The following KLF12 variants were observed in gnomAD, a reference collection of about 807,000 sequenced individuals.
KLF12 encodes Krueppel-like factor 12.
In KLF12, 9 loss-of-function variants were observed where a neutral mutation model predicts 37.8. The observed-to-expected ratio is 0.24, with a 90% CI of 0.14 to 0.42. The LOEUF is 0.42. KLF12 is among the 10% of genes least tolerant of loss of function. KLF12 has a pLI of 1.00. For missense variants in KLF12, 411 were observed against 516.0 expected (o/e 0.80, Z 1.97); for synonymous variants, 208 against 202.1 (o/e 1.03, Z -0.25).
chr13:73,764,555 A>T (rs951395563), intron 6 of KLF12, among the ~76,000 whole-genome samples: 1 of 152,146 alleles, frequency 6.6e-6, no homozygotes, highest in Non-Finnish European at 1.5e-5. Flanking sequence ...AATCCCCAAA[A>T]CTAATGTAAC....
At chr13:73,992,442 C>T (rs1288102518) in intron 2 of KLF12, among the ~76,000 whole-genome samples, 2 of 152,190 alleles carry the variant, frequency 1.3e-5, no homozygotes, top group South Asian at 2.1e-4. Context: ...AAACTTAATG[C>T]AAAAGTTGTG....
chr13:74,071,074 A>G (rs909797650), intron 1 of KLF12, among the ~76,000 whole-genome samples: 3 of 152,172 alleles, frequency 2.0e-5, no homozygotes, highest in African/African-American at 7.2e-5. Context: ...TAACCACCAC[A>G]CCCTAATAAG....
At chr13:74,117,284 T>C (rs1333433608) in intron 1 of KLF12, among the ~76,000 whole-genome samples, 1 of 152,148 alleles carries the variant, frequency 6.6e-6, no homozygotes, top group Non-Finnish European at 1.5e-5. Context: ...GCCTGGAGTA[T>C]CCTGTAATAC....
At chr13:73,708,006 T>C (rs552910676) in intron 7 of KLF12, among the ~76,000 whole-genome samples, 4 of 152,270 alleles carry the variant, frequency 2.6e-5, no homozygotes, top group Admixed American at 6.5e-5. Flanking sequence ...GGAATAAACA[T>C]GTAATAGTAT....
intron 2 of KLF12, among the ~76,000 whole-genome samples, chr13:73,991,143 C>A (rs904863991): frequency 7.9e-5 from 12 of 152,026 alleles, no homozygotes; most frequent in Non-Finnish European, 1.2e-4. Context: ...AAAGGAGTGA[C>A]CCAATTCAAG....
At chr13:74,024,050 C>T (rs1278455680) in intron 1 of KLF12, among the ~76,000 whole-genome samples, 2 of 152,178 alleles carry the variant, frequency 1.3e-5, no homozygotes, top group African/African-American at 4.8e-5. Context: ...TGGCTTATAA[C>T]TTTCAAATCC....
the KLF12 span, chr13:74,258,153 T>A: frequency 7.5e-6 from 1 of 132,852 alleles, no homozygotes; most frequent in Non-Finnish European, 1.6e-5. Flanking sequence ...CTTGGTCTAT[T>A]ACTGTGTTTG....
At chr13:74,207,447 G>A in the KLF12 span, among the ~76,000 whole-genome samples, 1 of 152,070 alleles carries the variant, frequency 6.6e-6, no homozygotes, top group African/African-American at 2.4e-5. Context: ...AGGCCAAGGC[G>A]GGTGGATCAC....
intron 2 of KLF12, among the ~76,000 whole-genome samples, chr13:73,975,827 G>A (rs1452124063): frequency 6.6e-6 from 1 of 151,982 alleles, no homozygotes; most frequent in Non-Finnish European, 1.5e-5. Context: ...TCATCTGTAG[G>A]TCTGTCTCTT....
chr13:74,234,491 CTG>C, the KLF12 span, among the ~76,000 whole-genome samples: 42 of 152,284 alleles, frequency 2.8e-4, no homozygotes, highest in African/African-American at 7.9e-4. Context: ...ACATGAAACA[CTG>C]TATGACACAC....
At chr13:73,921,845 TGGAGGA>T (rs1430786765) in intron 3 of KLF12, among the ~76,000 whole-genome samples, 1 of 152,204 alleles carries the variant, frequency 6.6e-6, no homozygotes, top group Non-Finnish European at 1.5e-5. Flanking sequence ...GCCCTGAGGA[TGGAGGA>T]AGTGTCCTCT....
chr13:73,918,828 C>T (rs1888975935), intron 3 of KLF12, among the ~76,000 whole-genome samples: 2 of 152,186 alleles, frequency 1.3e-5, no homozygotes, highest in Non-Finnish European at 2.9e-5. Flanking sequence ...CTGATGAACT[C>T]TAAACCGTGC....
chr13:74,253,408 T>C, the KLF12 span, among the ~76,000 whole-genome samples: 1 of 152,148 alleles, frequency 6.6e-6, no homozygotes, highest in Non-Finnish European at 1.5e-5. Flanking sequence ...TATCATGCAA[T>C]GTAAAGGACT....
the KLF12 span, among the ~76,000 whole-genome samples, chr13:74,147,973 A>C: frequency 6.7e-6 from 1 of 150,342 alleles, no homozygotes; most frequent in Non-Finnish European, 1.5e-5. Flanking sequence ...GTGCTGTGGG[A>C]TGATCTTGGC....
chr13:74,111,786 A>C (rs6562796), intron 1 of KLF12, among the ~76,000 whole-genome samples: 147,259 of 152,252 alleles, frequency 0.97, 71,406 homozygotes, highest in Middle Eastern at 1. Context: ...AAAGAAGTTA[A>C]AGAAATCCTC....
chr13:73,849,662 G>A (rs527504633), intron 3 of KLF12, among the ~76,000 whole-genome samples: 28 of 152,104 alleles, frequency 1.8e-4, no homozygotes, highest in Non-Finnish European at 2.5e-4. Context: ...AAGAAAGGTC[G>A]TAAGTTTTAA....
the KLF12 span, among the ~76,000 whole-genome samples, chr13:74,266,540 A>G: frequency 0.011 from 1,692 of 152,326 alleles, 11 homozygotes; most frequent in Admixed American, 0.023. Context: ...AAATTGCACA[A>G]GGAGGATTCT....
intron 4 of KLF12, among the ~76,000 whole-genome samples, chr13:73,833,774 G>A (rs1884287738): frequency 6.6e-6 from 1 of 152,146 alleles, no homozygotes; most frequent in African/African-American, 2.4e-5. Flanking sequence ...TGTATTTGGT[G>A]GAATGGCAAC....
intron 1 of KLF12, among the ~76,000 whole-genome samples, chr13:74,120,709 A>G (rs988358930): frequency 6.6e-6 from 1 of 152,084 alleles, no homozygotes; most frequent in Non-Finnish European, 1.5e-5. Context: ...AGGCTATAAC[A>G]TGTATAAGTA....
Sources: gnomAD v4.1 joint callset for allele counts (sites outside exome capture counted in the v4.1 genomes callset) on GRCh38, gnomAD v4.1.1 for gene constraint, MANE v1.5 for transcripts, NCBI Gene and HGNC (gene_info 2026-07-23, HGNC 2026-07-21) for gene names.